CPT1C: variants seen among roughly 807,000 people sequenced by gnomAD.
CPT1C encodes the protein carnitine palmitoyltransferase 1C.
CPT1C carries 61 observed loss-of-function variants against 97.3 expected under a neutral mutation model. That is an observed-to-expected ratio of 0.63 (90% CI 0.51 to 0.78). CPT1C has a LOEUF of 0.78. CPT1C is among the 30% of genes least tolerant of loss of function. The probability of loss-of-function intolerance (pLI) is 0.00; values close to 1 mark genes in which losing one functional copy is unlikely to be tolerated. For synonymous variants in CPT1C, 469 were observed against 447.2 expected (o/e 1.05, Z -0.61); for missense variants, 975 against 1,065.5 (o/e 0.92, Z 1.18).
At chr19:49,701,280 G>T (rs748018470) in intron 5 of CPT1C, 37 bp from the exon 6 acceptor site, 1 of 1,575,190 alleles carries the variant, frequency 6.3e-7, no homozygotes. Context: ...CCTGGCTCCG[G>T]TGAGGGGTTA....
chr19:49,709,971 CAAGT>C (rs2083753329), intron 14 of CPT1C, among the ~76,000 whole-genome samples: 1 of 151,978 alleles, frequency 6.6e-6, no homozygotes, highest in Non-Finnish European at 1.5e-5. Context: ...CTCAGCCTCC[CAAGT>C]AGCTGGGACT....
At chr19:49,697,627 G>A (rs1272181866) in intron 4 of CPT1C, 162 bp downstream of exon 4, 7 of 777,672 alleles carry the variant, frequency 9.0e-6, no homozygotes, top group East Asian at 2.9e-5. Context: ...AGGTGAGGCC[G>A]GGCACAGTGG....
rs1262335871 is a variant in CPT1C, at chr19:49,710,382, C to T, written c.1629C>T (p.Cys543=). The T allele has an allele frequency of 6.2e-7, 1 of 1,614,032 alleles. No homozygotes were observed. The highest frequency in any genetic ancestry group is 1.3e-5 in the African/African-American group (1 of 74,926). Residue 543 remains cysteine (C), a synonymous_variant, in exon 15 of 20, where the codon TGC becomes TGT. Coordinates refer to ENST00000598293, the MANE Select transcript of CPT1C (RefSeq NM_001199753.2). ...AGATCTTGTCTGAAAATGTCGACTG[C>T]CATGTCGTTCCATTCTCCCTATTTG... The part of the protein sequence containing the change: ...GAKILSENVD[C]HVVPFSLFGK...
At chr19:49,700,908 T>G in intron 5 of CPT1C, 53 bp downstream of exon 5, 1 of 1,569,940 alleles carries the variant, frequency 6.4e-7, no homozygotes, top group Non-Finnish European at 8.7e-7. Context: ...GCTTATCTAT[T>G]CCCCTCTCTC....
rs750232001 is a variant in CPT1C, at chr19:49,713,473, C to T, written c.2280C>T (p.Ser760=). The T allele has an allele frequency of 8.1e-6, 13 of 1,614,098 alleles. No individual in the cohort carries two copies. The South Asian group carries it at 1.3e-4, about 16-fold the overall frequency. ...AGGACGCACTGCTGGATGTGGCCTC[C>T]CTGTTCCAGGCGGGACAGCATTTTA... ...HIEDALLDVA[S]LFQAGQHFKR... is the part of the protein sequence containing the mutation. Residue 760 remains serine (S), a synonymous_variant, in exon 20 of 20, where the codon TCC becomes TCT. Coordinates refer to ENST00000598293, the MANE Select transcript of CPT1C (RefSeq NM_001199753.2).
chr19:49,710,425 C>G lies in CPT1C; in HGVS notation c.1672C>G (p.Arg558Gly). ...CCTATTTGGCAAGAGCTTCATCCGA[C>G]GCTGCCACCTCTCTTCAGACAGCTT... Reference protein sequence around the residue: ...FSLFGKSFIRRCHLSSDSFIQ... With the variant: ...FSLFGKSFIRGCHLSSDSFIQ... Residue 558 changes from arginine (R) to glycine (G), a missense_variant, in exon 15 of 20, where the codon CGC (arginine) becomes GGC (glycine). Physicochemically the swap from Arg to Gly is moderately radical, Grantham distance 125. This residue lies in a region of CPT1C where 344 missense variants were observed against 395.7 expected (regional missense o/e 0.87). Coordinates refer to ENST00000598293, the MANE Select transcript of CPT1C (RefSeq NM_001199753.2). 6.2e-7 allele frequency: 1 copy of G among 1,614,192 alleles called. No individual in the cohort carries two copies. Among genetic ancestry groups the G allele is most frequent in the African/African-American group, 1.3e-5 (1 of 75,058 alleles).
At chr19:49,701,665 C>G in intron 7 of CPT1C, 31 bp downstream of exon 7, 1 of 1,575,172 alleles carries the variant, frequency 6.3e-7, no homozygotes, top group African/African-American at 1.4e-5. Flanking sequence ...CAACGCCCCA[C>G]CTGAAGGGCT....
chr19:49,692,788 G>A (rs1313399392), intron 3 of CPT1C, among the ~76,000 whole-genome samples: 2 of 152,156 alleles, frequency 1.3e-5, no homozygotes, highest in Non-Finnish European at 1.5e-5. Context: ...GTGCAGTGGC[G>A]GGATCTCAGC....
intron 4 of CPT1C, among the ~76,000 whole-genome samples, chr19:49,699,742 G>A (rs2082889147): frequency 6.6e-6 from 1 of 152,026 alleles, no homozygotes; most frequent in Non-Finnish European, 1.5e-5. Flanking sequence ...ATCACCTAAG[G>A]TCAGGAGTTC....
chr19:49,691,522 G>C (rs955058578), intron 1 of CPT1C, 182 bp downstream of exon 1: 4 of 152,172 alleles, frequency 2.6e-5, no homozygotes, highest in South Asian at 2.1e-4. Flanking sequence ...AGCACGGGCG[G>C]GGGGAGGGGA....
At position 49,710,303 on chromosome 19, in the gene CPT1C, C is replaced by T; in HGVS notation, c.1567-17C>T. The T allele has an allele frequency of 1.9e-6, 3 of 1,612,442 alleles. No individual in the cohort carries two copies. The highest frequency in any genetic ancestry group is 2.5e-6 in the Non-Finnish European group (3 of 1,178,602). ...ATCTGTAACCCCAACTACTCCTCTT[C>T]CCTCCTCCTCTGGCAGATCCACTCC... On this transcript the variant is annotated splice_polypyrimidine_tract_variant and intron_variant, in intron 14 of 19. Transcript: ENST00000598293.
intron 4 of CPT1C, among the ~76,000 whole-genome samples, chr19:49,698,519 C>T (rs576444335): frequency 4.0e-5 from 6 of 151,468 alleles, no homozygotes; most frequent in South Asian, 2.1e-4. Flanking sequence ...AAAAATTAGC[C>T]GGGTGTGGTG....
In CPT1C at chr19:49,692,376, C is replaced by G. The variant is rs146580907; in HGVS notation, c.124C>G (p.His42Asp). Residue 42 changes from histidine to aspartate, a missense_variant, in exon 3 of 20, where the codon CAT (histidine) becomes GAT (aspartate). By Grantham distance (81) the His-to-Asp change is moderately conservative. Transcript: ENST00000598293. ...CTCTGGCCTGCGCTCCTGGAAAAGG[C>G]ATCTCTCACGTTTCTGGGTGAGGAG... ...YLSGLRSWKR[H>D]LSRFWNDFLT... 69 of 1,614,162 alleles carry G rather than the reference C, an allele frequency of 4.3e-5. No individual in the cohort carries two copies. The highest frequency in any genetic ancestry group is 1.2e-4 in the African/African-American group (9 of 75,038).
chr19:49,713,165 G>C (rs1568548899), intron 19 of CPT1C, 101 bp downstream of exon 19: 2 of 1,072,224 alleles, frequency 1.9e-6, no homozygotes, highest in Non-Finnish European at 2.8e-6. Context: ...CCAGGCCCCA[G>C]CCCCTCCTCC....
rs2083422194 is a variant in CPT1C, at chr19:49,705,017, A to G, written c.782A>G (p.Tyr261Cys). ...TCTCCTGGTCCCCAGGACTTCCTGT[A>G]TGTCACACCCACGCCTCTGCAGGCA... is the stretch of plus-strand genomic sequence containing the variant. ...NSNYYMMDFL[Y>C]VTPTPLQAAR... The change falls in exon 9 of 20, where the codon TAT becomes TGT. Residue 261 changes from tyrosine to cysteine, a missense_variant. This residue lies in a region of CPT1C where 596 missense variants were observed against 603.1 expected (regional missense o/e 0.99). Transcript: ENST00000598293. 6.3e-7 allele frequency: 1 copy of G among 1,598,456 alleles called. No homozygotes were observed. Among genetic ancestry groups the G allele is most frequent in the East Asian group, 2.2e-5 (1 of 44,498 alleles).
chr19:49,701,625 G>A lies in CPT1C; in HGVS notation c.684G>A (p.Ala228=). The stretch of plus-strand genomic sequence containing the variant: ...ACCTGCGGCTCAAGTCCTGGTGGGC[G>A]TCCAATTATGTGAGTCCCGCCACCG... ...QWYLRLKSWW[A]SNYVSDWWEE... is the part of the protein sequence containing the mutation. Residue 228 remains alanine, a synonymous_variant, in exon 7 of 20, where the codon GCG becomes GCA. Coordinates refer to ENST00000598293, the MANE Select transcript of CPT1C (RefSeq NM_001199753.2). 4 of 1,601,230 alleles carry A rather than the reference G, an allele frequency of 2.5e-6. No individual in the cohort carries two copies. Among genetic ancestry groups the A allele is most frequent in the East Asian group, 2.3e-5 (1 of 44,402 alleles).
chr19:49,692,195 G>A, intron 2 of CPT1C, 44 bp from the exon 3 acceptor site: 1 of 1,599,018 alleles, frequency 6.3e-7, no homozygotes, highest in Non-Finnish European at 8.5e-7. Flanking sequence ...TGAGTCTGAG[G>A]GCGGAGGGGC....
intron 4 of CPT1C, among the ~76,000 whole-genome samples, chr19:49,699,914 A>G (rs141883837): frequency 0.01 from 1,554 of 151,884 alleles, 21 homozygotes; most frequent in African/African-American, 0.036. Flanking sequence ...AGATAGTGCC[A>G]CTGCACTCCA....
intron 4 of CPT1C, 165 bp downstream of exon 4, chr19:49,697,630 C>A: frequency 1.4e-6 from 1 of 718,544 alleles, no homozygotes; most frequent in Non-Finnish European, 2.2e-6. Context: ...TGAGGCCGGG[C>A]ACAGTGGCTC....
Sources: allele counts gnomAD v4.1 joint callset (sites outside exome capture counted in the v4.1 genomes callset), GRCh38; gene constraint gnomAD v4.1.1; regional missense constraint gnomAD v4.1.1; transcripts MANE v1.5; gene names NCBI Gene and HGNC (gene_info 2026-07-23, HGNC 2026-07-21).